The following SHTN1 variants were observed in gnomAD, a reference collection of about 807,000 sequenced individuals.
SHTN1 encodes the protein shootin 1, also known as shootin-1.
In SHTN1, 42 loss-of-function variants were observed where a neutral mutation model predicts 83.1. That is an observed-to-expected ratio of 0.51 (90% confidence interval 0.39 to 0.65). The LOEUF (loss-of-function observed/expected upper bound fraction) is 0.65. Ranked by LOEUF, SHTN1 falls within the 30% of genes least tolerant of loss-of-function variation. The pLI is 0.00. For synonymous variants in SHTN1, 224 were observed against 247.7 expected, an observed-to-expected ratio of 0.90 and a Z score of 0.90; for missense variants, 622 against 737.8, an observed-to-expected ratio of 0.84 and a Z score of 1.82.
At chr10:116,998,000 G>A (rs1851685267) in intron 1 of SHTN1, among the ~76,000 whole-genome samples, 3 of 152,176 alleles carry the variant, frequency 2.0e-5, no homozygotes, top group African/African-American at 7.2e-5. Flanking sequence ...GCAGAGGCAG[G>A]AGAATGGTGT....
chr10:116,980,817 G>A (rs779986592), intron 1 of SHTN1, among the ~76,000 whole-genome samples: 1 of 152,124 alleles, frequency 6.6e-6, no homozygotes, highest in Admixed American at 6.5e-5. Flanking sequence ...TGGCTACTGT[G>A]ATGGTGGCAC....
chr10:116,904,695 G>A (rs1426621152), intron 15 of SHTN1, among the ~76,000 whole-genome samples: 1 of 152,054 alleles, frequency 6.6e-6, no homozygotes, highest in Non-Finnish European at 1.5e-5. Context: ...GTTCCTTTCT[G>A]TACTCTGAAT....
chr10:117,071,290 C>T (rs1853077980), intron 1 of SHTN1, among the ~76,000 whole-genome samples: 1 of 151,620 alleles, frequency 6.6e-6, no homozygotes, highest in Admixed American at 6.6e-5. Flanking sequence ...TTCAGAATCT[C>T]CTGTGTAACT....
intron 4 of SHTN1, among the ~76,000 whole-genome samples, chr10:116,959,912 C>T (rs1850120614): frequency 6.6e-6 from 1 of 152,190 alleles, no homozygotes; most frequent in Admixed American, 6.5e-5. Context: ...TGCTGAAATA[C>T]TCACATACAA....
chr10:117,036,855 T>G (rs1270985542), intron 2 of SHTN1, among the ~76,000 whole-genome samples: 1 of 152,226 alleles, frequency 6.6e-6, no homozygotes, highest in Non-Finnish European at 1.5e-5. Context: ...GTGGCTATTA[T>G]GCATTACATG....
chr10:116,910,553 T>C (rs1848151417), intron 14 of SHTN1, among the ~76,000 whole-genome samples: 1 of 152,216 alleles, frequency 6.6e-6, no homozygotes. Context: ...TATTATCATA[T>C]GTACCTCATA....
At chr10:116,948,830 T>C in intron 7 of SHTN1, 86 bp downstream of exon 7, 1 of 841,300 alleles carries the variant, frequency 1.2e-6, no homozygotes, top group Non-Finnish European at 1.7e-6. Flanking sequence ...CAGTCATATT[T>C]AGGCACAGGT....
intron 9 of SHTN1, among the ~76,000 whole-genome samples, chr10:116,930,686 G>T (rs749153998): frequency 6.6e-6 from 1 of 152,170 alleles, no homozygotes; most frequent in Non-Finnish European, 1.5e-5. Flanking sequence ...GTGCTGCGAT[G>T]AATATGTGTG....
chr10:116,896,194 T>C (rs748700641), intron 16 of SHTN1, among the ~76,000 whole-genome samples: 7 of 152,196 alleles, frequency 4.6e-5, no homozygotes, highest in Non-Finnish European at 7.3e-5. Flanking sequence ...ATTATACCTA[T>C]ATCAACCAAG....
chr10:116,991,820 T>C (rs889865410), intron 1 of SHTN1, among the ~76,000 whole-genome samples: 1 of 152,150 alleles, frequency 6.6e-6, no homozygotes, highest in African/African-American at 2.4e-5. Context: ...AAAATGGAAC[T>C]ATACATTCGA....
rs199637675 is a variant in SHTN1, at chr10:117,019,826, C to CAAA, written c.-123+28616_-123+28618dup. 4.3e-3 allele frequency among the ~76,000 whole-genome samples: 513 copies of CAAA among 118,224 alleles called. 4 individuals are homozygous for CAAA. Among genetic ancestry groups the CAAA allele is most frequent in the African/African-American group, 0.014 (489 of 34,004 alleles). 77.6% of individuals were successfully genotyped at this position (118,224 alleles called of 152,430 possible). A position where few individuals can be genotyped will look rare whatever the true frequency, so the allele number is the denominator to read the frequency against. On this transcript the variant is annotated intron_variant, in intron 2 of 17. Transcript: ENST00000392901. ...TGGGTGACAGAGTGAGCCCTTGTCT[C>CAAA]AAAAAAAAAAAAAAGAGAAAAAGAA...
rs2133293008 is a variant in SHTN1 at position 116,885,690 on chromosome 10, A to G, written c.*654T>C. The G allele has an allele frequency of 6.6e-6, 1 of 152,488 alleles. No homozygotes were observed. The highest frequency in any genetic ancestry group is 1.9e-4 in the East Asian group (1 of 5,190). The allele number at this position is 152,488 out of a possible 1,614,324, so 9.4% of individuals were successfully genotyped here. On this transcript the variant is annotated 3_prime_UTR_variant, in exon 17 of 17. Coordinates refer to ENST00000355371, the MANE Select transcript of SHTN1 (RefSeq NM_001127211.3). The stretch of plus-strand genomic sequence containing the variant: ...CTCAGTTCTGTATTCAGGCTACCAG[A>G]GCATCCCCACGGAGGTCCTCGGGAG...
At chr10:117,050,609 G>A (rs879583378) in intron 1 of SHTN1, among the ~76,000 whole-genome samples, 9 of 151,634 alleles carry the variant, frequency 5.9e-5, no homozygotes, top group Non-Finnish European at 8.8e-5. Flanking sequence ...AAATGAAATC[G>A]ACAATTAGAA....
At chr10:117,065,733 AAAGAAAGAAAGAAAGAAAGAAAGAAAG>A (rs1852970810) in intron 1 of SHTN1, among the ~76,000 whole-genome samples, 17 of 17,212 alleles carry the variant, frequency 9.9e-4, no homozygotes, top group African/African-American at 2.1e-3. Context: ...GAGATGAAAG[AAAGAAAGAAAGAAAGAAAGAAAGAAAG>A]AAAGAAAGAA....
chr10:117,064,452 G>A (rs1852943656), intron 1 of SHTN1, among the ~76,000 whole-genome samples: 2 of 152,210 alleles, frequency 1.3e-5, no homozygotes, highest in African/African-American at 2.4e-5. Flanking sequence ...TCAGGAGTTT[G>A]AGACCAGCCT....
At chr10:117,081,050 G>C (rs186999768) in intron 1 of SHTN1, among the ~76,000 whole-genome samples, 1 of 152,072 alleles carries the variant, frequency 6.6e-6, no homozygotes. Context: ...TAATTGCCCT[G>C]GCCAGAACTT....
At chr10:117,013,572 T>G (rs898872686) in intron 2 of SHTN1, among the ~76,000 whole-genome samples, 7 of 152,214 alleles carry the variant, frequency 4.6e-5, no homozygotes, top group Non-Finnish European at 1.0e-4. Context: ...GATATAATAC[T>G]ATGTATCTAT....
Position 116,994,897 on chromosome 10 carries a change from C to T in SHTN1, c.58+10125G>A, listed in dbSNP as rs555429193. Among the ~76,000 whole-genome samples the T allele has an allele frequency of 2.4e-4, 37 of 152,036 alleles. No homozygotes were observed. In the South Asian group the frequency reaches 7.3e-3, roughly 30 times the overall value. Reference sequence around the variant, plus strand: ...AAACCCATTAGGTTTATTCTGCATGCTAAATTATATAAGAAACATTGTCAA... The same window carrying T: ...AAACCCATTAGGTTTATTCTGCATGTTAAATTATATAAGAAACATTGTCAA... On this transcript the variant is annotated intron_variant, in intron 1 of 16. Coordinates refer to ENST00000355371, the MANE Select transcript of SHTN1 (RefSeq NM_001127211.3).
intron 16 of SHTN1, among the ~76,000 whole-genome samples, chr10:116,890,708 C>T (rs1374703409): frequency 6.6e-6 from 1 of 152,196 alleles, no homozygotes; most frequent in Non-Finnish European, 1.5e-5. Flanking sequence ...GCTATTGTGC[C>T]CCTACTGCAA....
Sources: gnomAD v4.1 joint callset for allele counts (sites outside exome capture counted in the v4.1 genomes callset) on GRCh38, gnomAD v4.1.1 for gene constraint, MANE v1.5 for transcripts, NCBI Gene and HGNC (gene_info 2026-07-23, HGNC 2026-07-21) for gene names.